Variants in SRGAP1 observed in about 807,000 individuals in gnomAD.
SRGAP1 encodes the protein SLIT-ROBO Rho GTPase-activating protein 1.
In SRGAP1, 43 loss-of-function variants were observed where a neutral mutation model predicts 121.9. The ratio of observed to expected loss-of-function variants is 0.35; its 90% CI spans 0.28 to 0.46. The LOEUF is 0.46. Ranked by LOEUF, SRGAP1 falls within the 20% of genes least tolerant of loss-of-function variation. SRGAP1 has a pLI of 1.00. For synonymous variants in SRGAP1, 447 were observed against 485.4 expected (o/e 0.92, Z 1.04); for missense variants, 1,102 against 1,350.9 (o/e 0.82, Z 2.89).
At chr12:64,060,362 A>G (rs542910653) in intron 6 of SRGAP1, among the ~76,000 whole-genome samples, 107 of 151,856 alleles carry the variant, frequency 7.0e-4, no homozygotes, top group African/African-American at 2.5e-3. Flanking sequence ...ACCCACCCCT[A>G]TACTCGGCTA....
intron 1 of SRGAP1, among the ~76,000 whole-genome samples, chr12:63,896,977 AAAG>A (rs753083028): frequency 2.0e-5 from 3 of 152,222 alleles, no homozygotes; most frequent in Non-Finnish European, 4.4e-5. Flanking sequence ...CCTTGCTCCC[AAAG>A]AAGACTAGTG....
intron 6 of SRGAP1, among the ~76,000 whole-genome samples, chr12:64,051,778 G>GTC (rs1378997673): frequency 6.6e-6 from 1 of 151,846 alleles, no homozygotes; most frequent in Non-Finnish European, 1.5e-5. Flanking sequence ...TTCTCTCTCT[G>GTC]TCTCTCTCTC....
intron 18 of SRGAP1, among the ~76,000 whole-genome samples, chr12:64,119,089 G>T (rs186835878): frequency 1.6e-4 from 24 of 152,280 alleles, no homozygotes; most frequent in Admixed American, 1.6e-3. Flanking sequence ...GGGGGTATGG[G>T]ATGAGGTAGG....
intron 1 of SRGAP1, among the ~76,000 whole-genome samples, chr12:63,946,985 T>A (rs2032070742): frequency 6.6e-6 from 1 of 152,336 alleles, no homozygotes; most frequent in East Asian, 1.9e-4. Context: ...TTCTTTTTAT[T>A]GTTAACGCAT....
chr12:64,073,348 G>C (rs1437441778), intron 8 of SRGAP1, among the ~76,000 whole-genome samples: 1 of 152,186 alleles, frequency 6.6e-6, no homozygotes, highest in Non-Finnish European at 1.5e-5. Context: ...TGATAATGCT[G>C]CTGTCTCTGG....
At chr12:63,946,541 CTT>C (rs35628309) in intron 1 of SRGAP1, among the ~76,000 whole-genome samples, 48,825 of 138,216 alleles carry the variant, frequency 0.35, 8,492 homozygotes, top group East Asian at 0.49. Context: ...CTTTTGTATT[CTT>C]TTTTTTTTTT....
intron 1 of SRGAP1, among the ~76,000 whole-genome samples, chr12:63,974,010 G>A (rs1294252318): frequency 6.6e-6 from 1 of 152,094 alleles, no homozygotes; most frequent in Non-Finnish European, 1.5e-5. Flanking sequence ...CCCACACACT[G>A]TCTTTCTGTA....
At chr12:63,888,339 T>G (rs1322141183) in intron 1 of SRGAP1, 1 of 152,230 alleles carries the variant, frequency 6.6e-6, no homozygotes, top group Non-Finnish European at 1.5e-5. Context: ...ATTAAGCTTA[T>G]TGTATTTTTT....
intron 8 of SRGAP1, among the ~76,000 whole-genome samples, chr12:64,075,749 G>A (rs377437683): frequency 2.0e-5 from 3 of 152,134 alleles, no homozygotes; most frequent in African/African-American, 7.2e-5. Flanking sequence ...TCATTAATAT[G>A]CTTTTTTTCC....
intron 1 of SRGAP1, among the ~76,000 whole-genome samples, chr12:63,883,291 G>C (rs998331118): frequency 6.6e-6 from 1 of 152,174 alleles, no homozygotes; most frequent in African/African-American, 2.4e-5. Flanking sequence ...TCCATCCCAG[G>C]CTGTCCCCAA....
intron 1 of SRGAP1, among the ~76,000 whole-genome samples, chr12:63,900,786 C>G (rs1326219167): frequency 1.3e-5 from 2 of 152,034 alleles, no homozygotes; most frequent in African/African-American, 4.8e-5. Flanking sequence ...GCATTCCAGC[C>G]TGGGTGACAG....
intron 2 of SRGAP1, among the ~76,000 whole-genome samples, chr12:63,985,228 AGAG>A (rs2033382573): frequency 6.6e-6 from 1 of 152,128 alleles, no homozygotes; most frequent in Non-Finnish European, 1.5e-5. Context: ...AAAGGAGAGA[AGAG>A]GAGGATATTC....
intron 21 of SRGAP1, among the ~76,000 whole-genome samples, chr12:64,138,419 C>T (rs897852583): frequency 1.3e-5 from 2 of 150,962 alleles, no homozygotes; most frequent in South Asian, 2.1e-4. Context: ...TGTAACTTCC[C>T]CCCTTTTACT....
intron 6 of SRGAP1, among the ~76,000 whole-genome samples, chr12:64,054,541 A>G (rs894323330): frequency 6.6e-6 from 1 of 152,166 alleles, no homozygotes; most frequent in African/African-American, 2.4e-5. Flanking sequence ...GTAGTACTGT[A>G]TTCCCCATTA....
intron 18 of SRGAP1, chr12:64,120,639 A>C (rs1429815244): frequency 6.6e-6 from 1 of 151,732 alleles, no homozygotes; most frequent in African/African-American, 2.4e-5. Flanking sequence ...AGTGAAGTTC[A>C]CTCTGAAACT....
In SRGAP1 at chr12:64,130,966, G is replaced by A. The variant is rs972150516; in HGVS notation, c.2880+2766G>A. 4.6e-5 allele frequency among the ~76,000 whole-genome samples: 7 copies of A among 152,146 alleles called. No individual in the cohort carries two copies. In the East Asian group the frequency reaches 5.8e-4, roughly 13 times the overall value. On this transcript the variant is annotated intron_variant, in intron 21 of 21. Coordinates refer to ENST00000355086, the MANE Select transcript of SRGAP1 (RefSeq NM_020762.4). ...TCACCCTGAGGAATGGTGCCATATC[G>A]AGGGCTGTGTTGGCTTCTGCTGCTG...
At chr12:64,049,554 A>G (rs2035197740) in intron 6 of SRGAP1, among the ~76,000 whole-genome samples, 3 of 152,182 alleles carry the variant, frequency 2.0e-5, no homozygotes, top group Admixed American at 2.0e-4. Context: ...TGATTCAATT[A>G]CCTCCCACCT....
rs530633979 is a variant in SRGAP1 at position 64,026,951 on chromosome 12, C to T, written c.489+9939C>T. 3.9e-5 allele frequency among the ~76,000 whole-genome samples: 6 copies of T among 151,998 alleles called. No individual in the cohort carries two copies. The South Asian group carries it at 8.3e-4, about 21-fold the overall frequency. The stretch of plus-strand genomic sequence containing the variant: ...TCAGAGAGATTAAGTGATTCACTAA[C>T]GTCCCAGAGCTAACTCATGGCCAGG... On this transcript the variant is annotated intron_variant, in intron 4 of 21. Coordinates refer to ENST00000355086, the MANE Select transcript of SRGAP1 (RefSeq NM_020762.4).
At chr12:64,003,027 A>T (rs996808010) in intron 3 of SRGAP1, among the ~76,000 whole-genome samples, 1 of 121,664 alleles carries the variant, frequency 8.2e-6, no homozygotes. Context: ...TGTGAGTGAG[A>T]GAGAGAGAGA....
Sources: allele counts gnomAD v4.1 joint callset (sites outside exome capture counted in the v4.1 genomes callset), GRCh38; gene constraint gnomAD v4.1.1; transcripts MANE v1.5; gene names NCBI Gene and HGNC (gene_info 2026-07-23, HGNC 2026-07-21).